The following HID1 variants were observed in gnomAD, a reference collection of about 807,000 sequenced individuals.
HID1 encodes the protein HID1 domain containing.
HID1 carries 42 observed loss-of-function variants against 89.7 expected under a neutral mutation model. The observed-to-expected ratio is 0.47, with a 90% CI of 0.37 to 0.61. HID1 has a LOEUF of 0.61. HID1 is among the 20% of genes least tolerant of loss of function. The probability of loss-of-function intolerance (pLI) is 0.00; values close to 1 mark genes in which losing one functional copy is unlikely to be tolerated. For missense variants in HID1, 854 were observed against 1,039.3 expected, an observed-to-expected ratio of 0.82 and a Z score of 2.45; for synonymous variants, 442 against 433.8, an observed-to-expected ratio of 1.02 and a Z score of -0.24.
In HID1 at chr17:74,965,878, C is replaced by T. The variant is rs577744678; in HGVS notation, c.67-1246G>A. Reference sequence around the variant, plus strand: ...GTTGCAGTGAGCCAAGATCATGCCACTGCACTCCAGCCTGGGCAACAAGAG... The same window carrying T: ...GTTGCAGTGAGCCAAGATCATGCCATTGCACTCCAGCCTGGGCAACAAGAG... On this transcript the variant is annotated intron_variant, in intron 1 of 18. Transcript: ENST00000425042. Among the ~76,000 whole-genome samples, 9 of 151,680 alleles carry T rather than the reference C, an allele frequency of 5.9e-5. No homozygotes were observed. In the South Asian group the frequency reaches 1.9e-3, roughly 32 times the overall value.
Position 74,972,542 on chromosome 17 carries a change from GC to G in HID1, c.66+48del. ...GTTCGCGTACCCCCGGCCCTGCCCA[GC>G]CCCCAGCCCGGCAGGTGGATGGGGA... On this transcript the variant is annotated intron_variant, in intron 1 of 18. Coordinates refer to ENST00000425042, the MANE Select transcript of HID1 (RefSeq NM_030630.3). This position sits in a 1 kb window ranked among gnomAD's most constrained non-coding sequence, Gnocchi z 6.4. 1.3e-6 allele frequency: 2 copies of G among 1,507,104 alleles called. No individual in the cohort carries two copies. Among genetic ancestry groups the G allele is most frequent in the Non-Finnish European group, 9.0e-7 (1 of 1,113,828 alleles). The allele number at this position is 1,507,104 out of a possible 1,614,324, so 93.4% of individuals were successfully genotyped here. A position where few individuals can be genotyped will look rare whatever the true frequency, so the allele number is the denominator to read the frequency against.
At chr17:74,968,867 G>A (rs1003200578) in intron 1 of HID1, among the ~76,000 whole-genome samples, 2 of 152,240 alleles carry the variant, frequency 1.3e-5, no homozygotes, top group Admixed American at 1.3e-4. Context: ...GTGTCACCGG[G>A]GGACTAAATC....
intron 6 of HID1, 125 bp downstream of exon 6, chr17:74,961,748 A>T: frequency 4.1e-6 from 2 of 492,054 alleles, no homozygotes; most frequent in Non-Finnish European, 7.2e-6. Context: ...CTGGTAAGTT[A>T]AAGTTCATCA....
At chr17:74,960,975 C>T (rs2039471115) in intron 6 of HID1, among the ~76,000 whole-genome samples, 1 of 151,254 alleles carries the variant, frequency 6.6e-6, no homozygotes, top group African/African-American at 2.4e-5. Flanking sequence ...CCCCACAGTC[C>T]ATGAGTGCCC....
intron 13 of HID1, 104 bp from the exon 14 acceptor site, chr17:74,954,469 G>A: frequency 2.0e-6 from 3 of 1,532,208 alleles, no homozygotes; most frequent in Non-Finnish European, 2.6e-6. Flanking sequence ...ACAGGAGGGT[G>A]TCTGCCCAAG....
rs7503218 is a variant in HID1 at position 74,962,905 on chromosome 17, G to T, written c.504+60C>A. On this transcript the variant is annotated intron_variant, in intron 4 of 18. Transcript: ENST00000425042. The surrounding 1 kb of genome is among the most constrained non-coding windows in gnomAD (Gnocchi z 4.3). ...CGCCCAAGGGAACTTCAACTGGCCCGGCCCCAACCCAGGACCAGAGCCTAC... is the reference window on the plus strand; with the variant it reads ...CGCCCAAGGGAACTTCAACTGGCCCTGCCCCAACCCAGGACCAGAGCCTAC... 21 of 1,294,546 alleles carry T rather than the reference G, an allele frequency of 1.6e-5. No individual in the cohort carries two copies. The highest frequency in any genetic ancestry group is 2.3e-5 in the Non-Finnish European group (21 of 911,864). The allele number at this position is 1,294,546 out of a possible 1,614,324, so 80.2% of individuals were successfully genotyped here. A position where few individuals can be genotyped will look rare whatever the true frequency, so the allele number is the denominator to read the frequency against.
intron 14 of HID1, 76 bp from the exon 15 acceptor site, chr17:74,953,727 A>T (rs1418683716): frequency 1.7e-6 from 2 of 1,204,290 alleles, no homozygotes; most frequent in Non-Finnish European, 1.2e-6. Flanking sequence ...CCACTTTTTT[A>T]TTTTTATTTG....
Position 74,960,252 on chromosome 17 carries a change from C to T in HID1, c.729-4G>A. On this transcript the variant is annotated splice_polypyrimidine_tract_variant and splice_region_variant and intron_variant, in intron 6 of 18. Coordinates refer to ENST00000425042, the MANE Select transcript of HID1 (RefSeq NM_030630.3). Reference sequence around the variant, plus strand: ...GGTGAAGAGGGGCAGGGCATGTCTGCAGCAGGAGAGGGACAAGGCTGCAGA... The same window carrying T: ...GGTGAAGAGGGGCAGGGCATGTCTGTAGCAGGAGAGGGACAAGGCTGCAGA... 1 of 1,605,146 alleles carries T rather than the reference C, an allele frequency of 6.2e-7. No individual in the cohort carries two copies. The highest frequency in any genetic ancestry group is 8.5e-7 in the Non-Finnish European group (1 of 1,178,578).
Position 74,958,987 on chromosome 17 carries a change from A to C in HID1, c.1073T>G (p.Leu358Arg). The change falls in exon 9 of 19, where the codon CTG becomes CGG. Residue 358 changes from leucine to arginine, a missense_variant. Transcript: ENST00000425042. The surrounding 1 kb of genome is among the most constrained non-coding windows in gnomAD (Gnocchi z 5.2). ...CTGGATCTTCTTGGTGGAGTTAGGC[A>C]GGTAGGTCTGGAGCAGGGGGTTGGA... ...LLSNPLLQTY[L>R]PNSTKKIQFH... is the part of the protein sequence containing the mutation. The C allele has an allele frequency of 6.2e-7, 1 of 1,604,512 alleles. No individual in the cohort carries two copies. Among genetic ancestry groups the C allele is most frequent in the Non-Finnish European group, 8.5e-7 (1 of 1,176,980 alleles).
rs1019448230 is a variant in HID1 at position 74,960,454 on chromosome 17, C to A, written c.729-206G>T. On this transcript the variant is annotated intron_variant, in intron 6 of 18. Transcript: ENST00000425042. ...CCCTTAGGGTCTTAAGGGGCAGATA[C>A]CCTCCCTTGGGTCCTCAGAGATGGG... is the stretch of plus-strand genomic sequence containing the variant. Among the ~76,000 whole-genome samples, 7 of 152,192 alleles carry A rather than the reference C, an allele frequency of 4.6e-5. No homozygotes were observed. The South Asian group carries it at 1.0e-3, about 22-fold the overall frequency.
rs983368803 is a variant in HID1 at position 74,957,766 on chromosome 17, G to T, written c.1471+375C>A. Among the ~76,000 whole-genome samples, 21 of 152,092 alleles carry T rather than the reference G, an allele frequency of 1.4e-4. No individual in the cohort carries two copies. The East Asian group carries it at 3.9e-3, about 28-fold the overall frequency. ...GATACAAAAATTAGCCAGGTGTGGT[G>T]GCACACGCCTGTAATCCCACCTACT... is the stretch of plus-strand genomic sequence containing the variant. On this transcript the variant is annotated intron_variant, in intron 12 of 18. Transcript: ENST00000425042.
chr17:74,958,691 C>T lies in HID1; in HGVS notation c.1222G>A (p.Asp408Asn), dbSNP rs763565879. Residue 408 changes from aspartate (D) to asparagine (N), a missense_variant, in exon 10 of 19, where the codon GAT (aspartate) becomes AAT (asparagine). Physicochemically the swap from Asp to Asn is conservative, Grantham distance 23. Transcript: ENST00000425042. The surrounding 1 kb of genome is among the most constrained non-coding windows in gnomAD (Gnocchi z 5.2). ...GTCTTACACTGATCGGCCCGGGCAT[C>T]GTTGAGGAAGAAGAGGATGGGGACA... ...ILVPILFFLN[D>N]ARADQSRVGL... The T allele has an allele frequency of 1.0e-5, 16 of 1,581,672 alleles. No individual in the cohort carries two copies. Among genetic ancestry groups the T allele is most frequent in the Non-Finnish European group, 1.3e-5 (15 of 1,154,428 alleles).
chr17:74,968,410 G>A (rs1487976140), intron 1 of HID1, among the ~76,000 whole-genome samples: 2 of 151,714 alleles, frequency 1.3e-5, no homozygotes, highest in African/African-American at 2.4e-5. Flanking sequence ...TCCAAACTCA[G>A]AGTTGGGGTC....
chr17:74,960,203 G>C lies in HID1; in HGVS notation c.774C>G (p.Ala258=), dbSNP rs1454101236. 2.5e-6 allele frequency: 4 copies of C among 1,613,460 alleles called. No homozygotes were observed. The highest frequency in any genetic ancestry group is 3.4e-6 in the Non-Finnish European group (4 of 1,180,036). The change falls in exon 7 of 19, where the codon GCC becomes GCG. Residue 258 remains alanine (A), a synonymous_variant. Transcript: ENST00000425042. ...GGATCCCGTAGCCCACAGGGTCATA[G>C]GCACACACGGTGTTGAGGAGGGAGG... ...LFTSLLNTVC[A]YDPVGYGIPY... is the part of the protein sequence containing the mutation.
At chr17:74,961,657 C>T in intron 6 of HID1, 2 of 340,362 alleles carry the variant, frequency 5.9e-6, no homozygotes, top group Non-Finnish European at 1.1e-5. Context: ...GATGGAGGAC[C>T]CAGGGACGGA....
rs2144838870 is a variant in HID1, at chr17:74,972,722, G to A, written c.-66C>T. ...CAACCCGGCTCCGGCTTCAGCTCCG[G>A]CTCCAGCTCCGCGGCCCCCGCGGCT... is the stretch of plus-strand genomic sequence containing the variant. On this transcript the variant is annotated 5_prime_UTR_variant, in exon 1 of 19. Coordinates refer to ENST00000425042, the MANE Select transcript of HID1 (RefSeq NM_030630.3). The surrounding 1 kb of genome is among the most constrained non-coding windows in gnomAD (Gnocchi z 6.4). 1.4e-6 allele frequency: 2 copies of A among 1,414,946 alleles called. No individual in the cohort carries two copies. The highest frequency in any genetic ancestry group is 1.3e-5 in the South Asian group (1 of 74,228). The allele number at this position is 1,414,946 out of a possible 1,614,324, so 87.6% of individuals were successfully genotyped here. A position where few individuals can be genotyped will look rare whatever the true frequency, so the allele number is the denominator to read the frequency against.
chr17:74,959,781 G>C lies in HID1; in HGVS notation c.1008+100C>G. ...TCACCTAGGGTGGCCCCAGCCCACA[G>C]AGAGCATGGTTCCTTCATGGAGGGG... On this transcript the variant is annotated intron_variant, in intron 8 of 18. Coordinates refer to ENST00000425042, the MANE Select transcript of HID1 (RefSeq NM_030630.3). The surrounding 1 kb of genome is among the most constrained non-coding windows in gnomAD (Gnocchi z 4.6). The C allele has an allele frequency of 7.7e-7, 1 of 1,299,366 alleles. No individual in the cohort carries two copies. Among genetic ancestry groups the C allele is most frequent in the Non-Finnish European group, 1.1e-6 (1 of 907,578 alleles). 80.5% of individuals were successfully genotyped at this position (1,299,366 alleles called of 1,614,324 possible).
At chr17:74,952,246 G>A (rs377306450) in intron 17 of HID1, 23 bp downstream of exon 17, 21 of 1,421,192 alleles carry the variant, frequency 1.5e-5, no homozygotes, top group African/African-American at 2.9e-5. Flanking sequence ...CACAACCCCC[G>A]GCCCTGCCGG....
chr17:74,954,045 T>C lies in HID1; in HGVS notation c.1864+93A>G. On this transcript the variant is annotated intron_variant, in intron 14 of 18. Transcript: ENST00000425042. ...CTCGGCTTCCATACATAAGCCATGC[T>C]CTTTGCCAGAGATGGGGGTGACACC... The C allele has an allele frequency of 3.3e-6, 4 of 1,217,888 alleles. No individual in the cohort carries two copies. The South Asian group carries it at 3.9e-5, about 12-fold the overall frequency. The allele number at this position is 1,217,888 out of a possible 1,614,324, so 75.4% of individuals were successfully genotyped here.
Sources: allele counts gnomAD v4.1 joint callset (sites outside exome capture counted in the v4.1 genomes callset), GRCh38; gene constraint gnomAD v4.1.1; non-coding constraint Gnocchi (gnomAD v3.1); transcripts MANE v1.5; gene names NCBI Gene and HGNC (gene_info 2026-07-23, HGNC 2026-07-21).